Variants in LIPG observed in about 807,000 individuals in gnomAD.
LIPG encodes the protein endothelial lipase.
A neutral mutation model predicts 51.8 loss-of-function variants in LIPG; 34 were observed. The ratio of observed to expected loss-of-function variants is 0.66; its 90% confidence interval spans 0.50 to 0.87. The LOEUF is 0.87. Among genes scored for constraint, LIPG ranks in the 40% least tolerant of loss-of-function variants. The probability of loss-of-function intolerance (pLI) is 0.00; values close to 1 mark genes in which losing one functional copy is unlikely to be tolerated. For synonymous variants in LIPG, 246 were observed against 246.1 expected, an observed-to-expected ratio of 1.00 and a Z score of 0.00; for missense variants, 580 against 652.7, an observed-to-expected ratio of 0.89 and a Z score of 1.21.
chr18:49,571,146 ACTG>A lies in LIPG; in HGVS notation c.571+1601_571+1603del, dbSNP rs1338952877. Among the ~76,000 whole-genome samples the A allele has an allele frequency of 2.6e-5, 4 of 152,100 alleles. No individual in the cohort carries two copies. The South Asian group carries it at 8.3e-4, about 32-fold the overall frequency. Reference sequence around the variant, plus strand: ...GGCTATGATTGTGTGGCCACCCATGACTGCTCATTAACCCCTTGCTGGTGCAAA... The same window carrying A: ...GGCTATGATTGTGTGGCCACCCATGACTCATTAACCCCTTGCTGGTGCAAA... On this transcript the variant is annotated intron_variant, in intron 4 of 9. Coordinates refer to ENST00000261292, the MANE Select transcript of LIPG (RefSeq NM_006033.4).
chr18:49,580,022 C>A (rs1264981918), intron 5 of LIPG, among the ~76,000 whole-genome samples: 1 of 152,062 alleles, frequency 6.6e-6, no homozygotes, highest in East Asian at 1.9e-4. Flanking sequence ...CCATTTTGGC[C>A]AGGCTGGTCT....
intron 8 of LIPG, among the ~76,000 whole-genome samples, chr18:49,584,396 A>G (rs1193571544): frequency 6.6e-6 from 1 of 152,196 alleles, no homozygotes; most frequent in Non-Finnish European, 1.5e-5. Context: ...AGATCTTTCT[A>G]TCAGCTCCTA....
At chr18:49,585,902 G>A (rs566109239) in intron 8 of LIPG, among the ~76,000 whole-genome samples, 4 of 152,280 alleles carry the variant, frequency 2.6e-5, no homozygotes, top group East Asian at 3.9e-4. Context: ...CTGATTGTGC[G>A]TGAGATAGGT....
chr18:49,590,465 A>C, intron 9 of LIPG, 36 bp from the exon 10 acceptor site: 1 of 1,590,912 alleles, frequency 6.3e-7, no homozygotes, highest in Non-Finnish European at 8.6e-7. Context: ...CTGGTGTGTG[A>C]GCTAACAAAT....
At chr18:49,562,441 T>C in intron 1 of LIPG, 36 bp downstream of exon 1, 2 of 1,553,102 alleles carry the variant, frequency 1.3e-6, no homozygotes, top group Middle Eastern at 1.7e-4. Context: ...CCCAGCCACT[T>C]CTCTGTGCTG....
intron 5 of LIPG, among the ~76,000 whole-genome samples, chr18:49,578,307 G>GAT: frequency 6.9e-6 from 1 of 144,862 alleles, no homozygotes; most frequent in East Asian, 2.1e-4. Flanking sequence ...CTTCTCAGAC[G>GAT]GGGCAGCCGG....
intron 4 of LIPG, among the ~76,000 whole-genome samples, chr18:49,572,913 C>T (rs931566322): frequency 7.9e-5 from 12 of 152,178 alleles, no homozygotes; most frequent in Non-Finnish European, 4.4e-5. Context: ...TCTATCTCCT[C>T]TTTATTTAAG....
At chr18:49,568,850 C>T (rs778745118) in intron 3 of LIPG, among the ~76,000 whole-genome samples, 1 of 152,108 alleles carries the variant, frequency 6.6e-6, no homozygotes, top group African/African-American at 2.4e-5. Flanking sequence ...TCAGGATTCT[C>T]GAGCAGTCCC....
At chr18:49,564,021 CTT>C in intron 1 of LIPG, among the ~76,000 whole-genome samples, 1 of 152,066 alleles carries the variant, frequency 6.6e-6, no homozygotes, top group Non-Finnish European at 1.5e-5. Flanking sequence ...CTGGTTGGGG[CTT>C]TTGTTCATTA....
At position 49,597,802 on chromosome 18, in the gene LIPG, G is replaced by C. The variant is rs947530137; in HGVS notation, c.*7280G>C. The C allele has an allele frequency of 6.6e-6, 1 of 152,264 alleles. No homozygotes were observed. Among genetic ancestry groups the C allele is most frequent in the African/African-American group, 2.4e-5 (1 of 41,462 alleles). 9.4% of individuals were successfully genotyped at this position (152,264 alleles called of 1,614,324 possible). ...GACTCACAAGAATTGCTCATGGCCA[G>C]AGGCAATGGACAGATGCCATATGAG... On this transcript the variant is annotated 3_prime_UTR_variant, in exon 10 of 10. Coordinates refer to ENST00000261292, the MANE Select transcript of LIPG (RefSeq NM_006033.4).
chr18:49,562,488 T>C, intron 1 of LIPG, 83 bp downstream of exon 1: 1 of 1,227,414 alleles, frequency 8.1e-7, no homozygotes, highest in Non-Finnish European at 1.2e-6. Context: ...AAACCCTCCT[T>C]GTTCCTATGA....
chr18:49,572,785 C>T (rs2084677336), intron 4 of LIPG, among the ~76,000 whole-genome samples: 1 of 151,632 alleles, frequency 6.6e-6, no homozygotes, highest in Non-Finnish European at 1.5e-5. Context: ...CCCTGCCCTG[C>T]CGGGCCAGAA....
chr18:49,565,602 C>T, intron 2 of LIPG, 104 bp downstream of exon 2: 3 of 1,317,372 alleles, frequency 2.3e-6, no homozygotes, highest in East Asian at 2.4e-5. Flanking sequence ...AACCCTCTTC[C>T]CCCCTTTCCT....
rs185051001 is a variant in LIPG at position 49,563,970 on chromosome 18, G to A, written c.98-1347G>A. ...TGAGTGGCTATCTGGGTAGAAGGTG[G>A]GGAGTTGTCGAACTCATTATGTCCG... On this transcript the variant is annotated intron_variant, in intron 1 of 9. Coordinates refer to ENST00000261292, the MANE Select transcript of LIPG (RefSeq NM_006033.4). Among the ~76,000 whole-genome samples, 4 of 152,228 alleles carry A rather than the reference G, an allele frequency of 2.6e-5. No individual in the cohort carries two copies. In the East Asian group the frequency reaches 7.7e-4, roughly 29 times the overall value.
At chr18:49,584,244 G>A (rs1568536301) in intron 8 of LIPG, among the ~76,000 whole-genome samples, 1 of 152,182 alleles carries the variant, frequency 6.6e-6, no homozygotes, top group Non-Finnish European at 1.5e-5. Context: ...CTGATTTTCA[G>A]AGCATTATTC....
intron 4 of LIPG, among the ~76,000 whole-genome samples, chr18:49,572,462 G>A (rs151311090): frequency 1.3e-5 from 2 of 152,126 alleles, no homozygotes; most frequent in African/African-American, 2.4e-5. Flanking sequence ...TAAGTAAAGG[G>A]CCCAATATCC....
chr18:49,577,421 CT>C (rs1003250866), intron 5 of LIPG, among the ~76,000 whole-genome samples: 9 of 144,246 alleles, frequency 6.2e-5, no homozygotes, highest in African/African-American at 2.1e-4. Flanking sequence ...CTACTTCTTT[CT>C]ACACAGACAC....
At chr18:49,581,833 A>G (rs1042253028) in intron 6 of LIPG, 176 bp downstream of exon 6, 7 of 794,444 alleles carry the variant, frequency 8.8e-6, no homozygotes, top group Non-Finnish European at 1.3e-5. Flanking sequence ...TTTACAAAAT[A>G]AACAGTGTGG....
At chr18:49,589,356 A>T (rs2084917104) in intron 9 of LIPG, 2 of 152,226 alleles carry the variant, frequency 1.3e-5, no homozygotes, top group Admixed American at 1.3e-4. Context: ...GTAAATCTTT[A>T]TGTATTTAAA....
Sources: gnomAD v4.1 joint callset for allele counts (sites outside exome capture counted in the v4.1 genomes callset) on GRCh38, gnomAD v4.1.1 for gene constraint, MANE v1.5 for transcripts, NCBI Gene and HGNC (gene_info 2026-07-23, HGNC 2026-07-21) for gene names.